MID2: variants seen among roughly 807,000 people sequenced by gnomAD.
MID2 encodes the protein midline 2.
MID2 carries 13 observed loss-of-function variants against 46.1 expected under a neutral mutation model. The observed-to-expected ratio is 0.28, with a 90% CI of 0.18 to 0.45. MID2 has a LOEUF of 0.45. MID2 is among the 20% of genes least tolerant of loss of function. MID2 has a pLI of 1.00. For synonymous variants in MID2, 199 were observed against 212.3 expected (o/e 0.94, Z 0.55); for missense variants, 431 against 575.4 (o/e 0.75, Z 2.57).
intron 3 of MID2, among the ~76,000 whole-genome samples, chrX:107,900,814 A>G (rs761382722): frequency 8.9e-6 from 1 of 112,356 alleles, no homozygotes; most frequent in East Asian, 2.8e-4. Context: ...TATAGTCTAC[A>G]TCACCCATTC....
intron 3 of MID2, among the ~76,000 whole-genome samples, chrX:107,861,070 A>C (rs1264695290): frequency 9.0e-6 from 1 of 111,452 alleles, no homozygotes; most frequent in East Asian, 2.8e-4. Flanking sequence ...GTAGTGAGCA[A>C]GGGGTATGGG....
rs768295292 is a variant in MID2, at chrX:107,851,986, C to T, written c.721-2623C>T. Among the ~76,000 whole-genome samples the T allele has an allele frequency of 8.1e-5, 9 of 110,811 alleles. No individual in the cohort carries two copies. In the East Asian group the frequency reaches 2.0e-3, roughly 24 times the overall value. ...CGGCTCACTGCAACCTCCGCCTCTG[C>T]GGTTCAAGTGATTTTCCTGCCTCAG... On this transcript the variant is annotated intron_variant, in intron 2 of 9. Coordinates refer to ENST00000262843, the MANE Select transcript of MID2 (RefSeq NM_012216.4).
chrX:107,851,081 T>C (rs1931601538), intron 2 of MID2, among the ~76,000 whole-genome samples: 1 of 112,229 alleles, frequency 8.9e-6, no homozygotes, highest in East Asian at 2.8e-4. Flanking sequence ...TATTCATTTG[T>C]GATACATGGA....
At chrX:107,855,983 T>C (rs767285577) in intron 3 of MID2, among the ~76,000 whole-genome samples, 1 of 112,005 alleles carries the variant, frequency 8.9e-6, no homozygotes, top group African/African-American at 3.2e-5. Context: ...AACTGTGCTC[T>C]AGACTTGGCT....
At chrX:107,919,759 T>C (rs1439750185) in intron 7 of MID2, among the ~76,000 whole-genome samples, 1 of 111,995 alleles carries the variant, frequency 8.9e-6, no homozygotes, top group Non-Finnish European at 1.9e-5. Flanking sequence ...GATTCCCAAT[T>C]GCCCTGTACC....
chrX:107,920,321 C>A (rs751633944), intron 7 of MID2, among the ~76,000 whole-genome samples: 1 of 112,119 alleles, frequency 8.9e-6, no homozygotes, highest in East Asian at 2.8e-4. Flanking sequence ...TTTCTTCCCA[C>A]CTCTTCTAAG....
At chrX:107,914,187 G>A (rs1238776447) in intron 5 of MID2, among the ~76,000 whole-genome samples, 1 of 112,313 alleles carries the variant, frequency 8.9e-6, no homozygotes, top group African/African-American at 3.2e-5. Flanking sequence ...CCACAGCAAA[G>A]CTTGTTCACT....
intron 1 of MID2, among the ~76,000 whole-genome samples, chrX:107,833,446 A>G (rs1414650241): frequency 9.3e-6 from 1 of 107,977 alleles, no homozygotes; most frequent in East Asian, 2.8e-4. Context: ...TTAAAAACCT[A>G]CAGCTCAGCT....
rs1257838406 is a variant in MID2 at position 107,931,182 on chromosome X, G to T, written c.*4109G>T. On this transcript the variant is annotated 3_prime_UTR_variant, in exon 10 of 10. Coordinates refer to ENST00000262843, the MANE Select transcript of MID2 (RefSeq NM_012216.4). ...ACCAAGATGGAGCAATCCACGGATG[G>T]ACTTTTGAATAAACTCAAATATTTG... Among the ~76,000 whole-genome samples, 1 of 112,271 alleles carries T rather than the reference G, an allele frequency of 8.9e-6. No individual in the cohort carries two copies. Among genetic ancestry groups the T allele is most frequent in the Non-Finnish European group, 1.9e-5 (1 of 53,200 alleles).
At position 107,930,463 on chromosome X, in the gene MID2, G is replaced by A. The variant is rs1447303236; in HGVS notation, c.*3390G>A. 1.8e-5 allele frequency among the ~76,000 whole-genome samples: 2 copies of A among 111,688 alleles called. No homozygotes were observed. Among genetic ancestry groups the A allele is most frequent in the East Asian group, 2.8e-4 (1 of 3,575 alleles). ...TTGTTTGAAGGTGGATTTACATTTC[G>A]GTTATAGCCAAAAATCACTCAAAGC... On this transcript the variant is annotated 3_prime_UTR_variant, in exon 10 of 10. Coordinates refer to ENST00000262843, the MANE Select transcript of MID2 (RefSeq NM_012216.4).
At chrX:107,843,060 A>G (rs932305045) in intron 2 of MID2, among the ~76,000 whole-genome samples, 1 of 112,248 alleles carries the variant, frequency 8.9e-6, no homozygotes, top group Non-Finnish European at 1.9e-5. Flanking sequence ...TTTCGTGGTC[A>G]TAGATAAATG....
rs929082072 is a variant in MID2 at position 107,927,477 on chromosome X, A to G, written c.*404A>G. On this transcript the variant is annotated 3_prime_UTR_variant, in exon 10 of 10. Transcript: ENST00000262843. ...GTGGTCAGCCTTTCTAGTACTGGCC[A>G]GTTTGGCCATGTAGAATTTTGAACA... Among the ~76,000 whole-genome samples the G allele has an allele frequency of 1.8e-5, 2 of 111,536 alleles. No individual in the cohort carries two copies. Among genetic ancestry groups the G allele is most frequent in the Non-Finnish European group, 3.8e-5 (2 of 53,026 alleles).
At chrX:107,845,525 A>ACACACTCTCTCTCTCTCTCTCTCTCT (rs1276957001) in intron 2 of MID2, among the ~76,000 whole-genome samples, 1 of 72,976 alleles carries the variant, frequency 1.4e-5, no homozygotes, top group African/African-American at 7.6e-5. Context: ...ACACACACAC[A>ACACACTCTCTCTCTCTCTCTCTCTCT]CTCTCTCTCT....
At chrX:107,911,760 C>T (rs990797636) in intron 5 of MID2, among the ~76,000 whole-genome samples, 11 of 111,184 alleles carry the variant, frequency 9.9e-5, no homozygotes, top group Non-Finnish European at 1.5e-4. Context: ...GATTATAAGG[C>T]GGAATGCTGG....
At chrX:107,866,558 TG>T (rs753507833) in intron 3 of MID2, among the ~76,000 whole-genome samples, 1 of 110,215 alleles carries the variant, frequency 9.1e-6, no homozygotes, top group South Asian at 4.0e-4. Context: ...AAGCAAATGG[TG>T]TTCCTAAGTG....
chrX:107,924,536 A>G, intron 8 of MID2, 32 bp downstream of exon 8: 1 of 1,198,125 alleles, frequency 8.3e-7, no homozygotes. Flanking sequence ...AGGAAAGATC[A>G]ATTTTCTTCT....
chrX:107,924,763 T>C (rs1933140871), intron 8 of MID2, among the ~76,000 whole-genome samples: 1 of 111,470 alleles, frequency 9.0e-6, no homozygotes, highest in African/African-American at 3.3e-5. Context: ...CCCCTTATAT[T>C]TGGGGGACAA....
At chrX:107,898,945 T>C (rs1932768326) in intron 3 of MID2, among the ~76,000 whole-genome samples, 1 of 110,891 alleles carries the variant, frequency 9.0e-6, no homozygotes, top group African/African-American at 3.3e-5. Context: ...AGTCTGGGTA[T>C]ATGGGATCAT....
intron 2 of MID2, among the ~76,000 whole-genome samples, chrX:107,845,492 A>AAC (rs1177184448): frequency 0.017 from 1,499 of 86,399 alleles, 23 homozygotes; most frequent in Middle Eastern, 0.051. Context: ...ATGGGAAAGT[A>AAC]ACACACACAC....
Sources: gnomAD v4.1 joint callset for allele counts (sites outside exome capture counted in the v4.1 genomes callset) on GRCh38, gnomAD v4.1.1 for gene constraint, MANE v1.5 for transcripts, NCBI Gene and HGNC (gene_info 2026-07-23, HGNC 2026-07-21) for gene names.